Variants in ZNF605 observed in about 807,000 individuals in gnomAD.
ZNF605 encodes zinc finger protein 605.
In ZNF605, 9 loss-of-function variants were observed where a neutral mutation model predicts 7.9. The ratio of observed to expected loss-of-function variants is 1.14; its 90% CI spans 0.68 to 1.98. The LOEUF is 1.98. Among genes scored for constraint, ZNF605 ranks in the 30% most tolerant of loss-of-function variants. ZNF605 has a pLI of 0.00. For synonymous variants in ZNF605, 255 were observed against 260.1 expected, an observed-to-expected ratio of 0.98 and a Z score of 0.19; for missense variants, 673 against 762.4, an observed-to-expected ratio of 0.88 and a Z score of 1.38.
Position 132,922,801 on chromosome 12 carries a change from G to C in ZNF605, c.*2572C>G, listed in dbSNP as rs1192806113. On this transcript the variant is annotated 3_prime_UTR_variant, in exon 5 of 5. Transcript: ENST00000360187. ...TAGATGGGGCTTCCCAAAGGAAGCT[G>C]TATCCTTACGGGAACACAGAAGCTA... 1 of 151,776 alleles carries C rather than the reference G, an allele frequency of 6.6e-6. No homozygotes were observed. The highest frequency in any genetic ancestry group is 1.5e-5 in the Non-Finnish European group (1 of 68,042). 9.4% of individuals were successfully genotyped at this position (151,776 alleles called of 1,614,324 possible).
At position 132,941,200 on chromosome 12, in the gene ZNF605, A is replaced by T. The variant is rs1013742608; in HGVS notation, c.15+4421T>A. On this transcript the variant is annotated intron_variant, in intron 3 of 4. Coordinates refer to ENST00000360187, the MANE Select transcript of ZNF605 (RefSeq NM_183238.4). This position sits in a 1 kb window ranked among gnomAD's most constrained non-coding sequence, Gnocchi z 5.1. The stretch of plus-strand genomic sequence containing the variant: ...ATGTGACTGACCGCCTCATGGAGCC[A>T]TGAGAAACGTCCCACAGAGATGCAG... Among the ~76,000 whole-genome samples the T allele has an allele frequency of 1.3e-5, 2 of 152,084 alleles. No homozygotes were observed. Among genetic ancestry groups the T allele is most frequent in the Admixed American group, 1.3e-4 (2 of 15,260 alleles).
rs989446499 is a variant in ZNF605 at position 132,947,307 on chromosome 12, G to A, written c.-163+841C>T. ...TGGGATTACAGGTGTGAGCCACCAC[G>A]CCCGGCCACATTTTTTTCTTTGAGA... On this transcript the variant is annotated intron_variant, in intron 2 of 4. Coordinates refer to ENST00000360187, the MANE Select transcript of ZNF605 (RefSeq NM_183238.4). Among the ~76,000 whole-genome samples the A allele has an allele frequency of 2.9e-3, 438 of 148,638 alleles. 2 individuals carry two copies. The highest frequency in any genetic ancestry group is 0.01 in the African/African-American group (414 of 41,350).
chr12:132,930,764 A>G (rs1162371242), intron 4 of ZNF605, among the ~76,000 whole-genome samples: 1 of 152,222 alleles, frequency 6.6e-6, no homozygotes, highest in African/African-American at 2.4e-5. Flanking sequence ...ATAGGGGAAT[A>G]TAACAACTAT....
At chr12:132,947,001 C>T (rs1952500413) in intron 2 of ZNF605, among the ~76,000 whole-genome samples, 1 of 82,580 alleles carries the variant, frequency 1.2e-5, no homozygotes, top group Admixed American at 1.5e-4. Flanking sequence ...AAGAGATTCA[C>T]CCCCTTGTTT....
rs1237282928 is a variant in ZNF605, at chr12:132,941,308, C to T, written c.15+4313G>A. 1.3e-5 allele frequency among the ~76,000 whole-genome samples: 2 copies of T among 152,144 alleles called. No individual in the cohort carries two copies. Among genetic ancestry groups the T allele is most frequent in the Non-Finnish European group, 2.9e-5 (2 of 68,044 alleles). ...CACGGGAAACAGCTGTCCTGCTTTC[C>T]AGACTCTGGTCAAGGCTAGCAGCGC... is the stretch of plus-strand genomic sequence containing the variant. On this transcript the variant is annotated intron_variant, in intron 3 of 4. Coordinates refer to ENST00000360187, the MANE Select transcript of ZNF605 (RefSeq NM_183238.4). The surrounding 1 kb of genome is among the most constrained non-coding windows in gnomAD (Gnocchi z 5.1).
intron 1 of ZNF605, among the ~76,000 whole-genome samples, chr12:132,955,844 C>T (rs1342303018): frequency 6.6e-6 from 1 of 152,026 alleles, no homozygotes; most frequent in African/African-American, 2.4e-5. Context: ...GGCCCCTCTC[C>T]CCTGGGGCCA....
At chr12:132,932,111 G>C (rs1430470018) in intron 4 of ZNF605, among the ~76,000 whole-genome samples, 10 of 151,984 alleles carry the variant, frequency 6.6e-5, no homozygotes. Flanking sequence ...TTATTGTTAG[G>C]TATTATTAGT....
intron 1 of ZNF605, among the ~76,000 whole-genome samples, chr12:132,948,875 C>T (rs1952525265): frequency 1.3e-5 from 2 of 152,244 alleles, no homozygotes; most frequent in South Asian, 4.1e-4. Flanking sequence ...CCAGCAGCAG[C>T]CACACCTGCA....
chr12:132,942,966 C>T (rs1256830751), intron 3 of ZNF605, among the ~76,000 whole-genome samples: 2 of 152,082 alleles, frequency 1.3e-5, no homozygotes, highest in Non-Finnish European at 2.9e-5. Flanking sequence ...TGTCACGGCC[C>T]GTCAAAGTCT....
chr12:132,954,472 A>G (rs1952613775), intron 1 of ZNF605, among the ~76,000 whole-genome samples: 1 of 128,088 alleles, frequency 7.8e-6, no homozygotes, highest in Admixed American at 8.1e-5. Flanking sequence ...GGAGGGGAGG[A>G]GAAGGGGCTT....
chr12:132,931,358 T>C (rs916087466), intron 4 of ZNF605, among the ~76,000 whole-genome samples: 37 of 152,188 alleles, frequency 2.4e-4, no homozygotes, highest in African/African-American at 8.9e-4. Flanking sequence ...TTACTGGCAA[T>C]CTCTCTTTAT....
Position 132,918,412 on chromosome 12 carries a change from T to C in ZNF605, c.*6961A>G, listed in dbSNP as rs2137116234. ...AGTTAACATTTGCATACAGAGATTT[T>C]CTTTTCAAACAGAGCACAGAAGGAA... On this transcript the variant is annotated 3_prime_UTR_variant, in exon 5 of 5. Transcript: ENST00000360187. The C allele has an allele frequency of 6.6e-6, 1 of 152,388 alleles. No homozygotes were observed. Among genetic ancestry groups the C allele is most frequent in the East Asian group, 1.9e-4 (1 of 5,192 alleles). 9.4% of individuals were successfully genotyped at this position (152,388 alleles called of 1,614,324 possible).
Position 132,927,134 on chromosome 12 carries a change from C to G in ZNF605, c.165G>C (p.Trp55Cys). ...LEVWLDNPKMWLRDNQDNLKS... is the reference protein window; with the variant it reads ...LEVWLDNPKMCLRDNQDNLKS... Reference sequence around the variant, plus strand: ...TAAGGTTGTCTTGATTATCTCGGAGCCACATTTTGGGATTATCTAGCCAGA... The same window carrying G: ...TAAGGTTGTCTTGATTATCTCGGAGGCACATTTTGGGATTATCTAGCCAGA... Residue 55 changes from tryptophan to cysteine, a missense_variant, in exon 5 of 5, where the codon TGG (tryptophan) becomes TGC (cysteine). Trp to Cys is a radical substitution (Grantham distance 215). Transcript: ENST00000360187. 2 of 1,567,794 alleles carry G rather than the reference C, an allele frequency of 1.3e-6. No homozygotes were observed. Among genetic ancestry groups the G allele is most frequent in the Non-Finnish European group, 1.7e-6 (2 of 1,167,846 alleles).
Position 132,927,655 on chromosome 12 carries a change from C to T in ZNF605, c.137-493G>A, listed in dbSNP as rs530089964. On this transcript the variant is annotated intron_variant, in intron 4 of 4. Transcript: ENST00000360187. ...CTGGGATTACAGGTGTGAGCCACTGCGCCCAGCCTTATTTTTTTTTTAGAG... is the reference window on the plus strand; with the variant it reads ...CTGGGATTACAGGTGTGAGCCACTGTGCCCAGCCTTATTTTTTTTTTAGAG... Among the ~76,000 whole-genome samples, 21 of 149,694 alleles carry T rather than the reference C, an allele frequency of 1.4e-4. No individual in the cohort carries two copies. In the South Asian group the frequency reaches 2.3e-3, roughly 17 times the overall value.
Position 132,933,308 on chromosome 12 carries a change from C to G in ZNF605, c.16-153G>C, listed in dbSNP as rs112209643. On this transcript the variant is annotated intron_variant, in intron 3 of 4. Coordinates refer to ENST00000360187, the MANE Select transcript of ZNF605 (RefSeq NM_183238.4). This position sits in a 1 kb window ranked among gnomAD's most constrained non-coding sequence, Gnocchi z 4.4. ...TTTTGCATAATCCTCCCCTCTTGACCGTGGGCTGGACTCACTGACTCATTG... is the reference window on the plus strand; with the variant it reads ...TTTTGCATAATCCTCCCCTCTTGACGGTGGGCTGGACTCACTGACTCATTG... Among the ~76,000 whole-genome samples the G allele has an allele frequency of 2.0e-5, 3 of 152,168 alleles. No homozygotes were observed. The highest frequency in any genetic ancestry group is 2.1e-4 in the South Asian group (1 of 4,826).
intron 3 of ZNF605, among the ~76,000 whole-genome samples, chr12:132,935,986 A>G (rs1278609): frequency 0.85 from 126,897 of 148,844 alleles, 54,857 homozygotes; most frequent in Middle Eastern, 0.95. Flanking sequence ...GCGTGAACCC[A>G]GGAGGTGGAG....
At chr12:132,927,405 C>T (rs1433867959) in intron 4 of ZNF605, among the ~76,000 whole-genome samples, 1 of 152,132 alleles carries the variant, frequency 6.6e-6, no homozygotes, top group African/African-American at 2.4e-5. Context: ...CTCGTGCTGT[C>T]ACCAGGCTGG....
At chr12:132,931,034 T>A (rs1467170757) in intron 4 of ZNF605, among the ~76,000 whole-genome samples, 2 of 152,088 alleles carry the variant, frequency 1.3e-5, no homozygotes, top group African/African-American at 2.4e-5. Flanking sequence ...ACCAAATTTT[T>A]AAAAATTAGC....
chr12:132,930,696 G>A (rs567358763), intron 4 of ZNF605, among the ~76,000 whole-genome samples: 2 of 152,268 alleles, frequency 1.3e-5, no homozygotes, highest in South Asian at 4.1e-4. Flanking sequence ...ATCCTATAAA[G>A]TTATTTCATG....
Sources: gnomAD v4.1 joint callset for allele counts (sites outside exome capture counted in the v4.1 genomes callset) on GRCh38, gnomAD v4.1.1 for gene constraint, Gnocchi (gnomAD v3.1) non-coding constraint, MANE v1.5 for transcripts, NCBI Gene and HGNC (gene_info 2026-07-23, HGNC 2026-07-21) for gene names.